Variants in PBX1 observed in about 807,000 individuals in gnomAD.
The protein encoded by PBX1 is pre-B-cell leukemia transcription factor 1.
Under a neutral mutation model 53.4 loss-of-function variants are expected in PBX1, and 6 were observed. The ratio of observed to expected loss-of-function variants is 0.11; its 90% CI spans 0.06 to 0.22. PBX1 has a LOEUF of 0.22. Among genes scored for constraint, PBX1 ranks in the 10% least tolerant of loss-of-function variants. The pLI, the probability that PBX1 is intolerant of heterozygous loss-of-function variation, is 1.00. For synonymous variants in PBX1, 204 were observed against 212.3 expected, an observed-to-expected ratio of 0.96 and a Z score of 0.34; for missense variants, 251 against 551.4, an observed-to-expected ratio of 0.46 and a Z score of 5.46.
At chr1:164,607,979 A>G (rs1571055623) in intron 2 of PBX1, among the ~76,000 whole-genome samples, 1 of 152,322 alleles carries the variant, frequency 6.6e-6, no homozygotes, top group East Asian at 1.9e-4. Flanking sequence ...GAAAGCAGGG[A>G]TAAAAAGTGT....
intron 2 of PBX1, among the ~76,000 whole-genome samples, chr1:164,729,541 G>A: frequency 6.6e-6 from 1 of 152,048 alleles, no homozygotes; most frequent in East Asian, 1.9e-4. Flanking sequence ...GCACTTATTT[G>A]GCATTTACTA....
At chr1:164,599,500 A>C (rs1656016421) in intron 2 of PBX1, among the ~76,000 whole-genome samples, 1 of 152,024 alleles carries the variant, frequency 6.6e-6, no homozygotes, top group Non-Finnish European at 1.5e-5. Flanking sequence ...CTTTCTGGGG[A>C]AGGGTTAATA....
At position 164,650,305 on chromosome 1, in the gene PBX1, T is replaced by G. The variant is rs192966244; in HGVS notation, c.265+86994T>G. Among the ~76,000 whole-genome samples the G allele has an allele frequency of 3.1e-3, 472 of 151,888 alleles. 4 individuals carry two copies. Among genetic ancestry groups the G allele is most frequent in the African/African-American group, 0.011 (445 of 41,364 alleles). On this transcript the variant is annotated intron_variant, in intron 2 of 8. Transcript: ENST00000420696. ...GGGCACTGGCGTGATCTTGGCTTAC[T>G]GCAGCCTCCGCCTCCCAGGTTCAAT...
chr1:164,826,222 C>CGAAA (rs1670452128), intron 8 of PBX1, among the ~76,000 whole-genome samples: 1 of 152,160 alleles, frequency 6.6e-6, no homozygotes, highest in African/African-American at 2.4e-5. Flanking sequence ...CTCCAGAAAA[C>CGAAA]TCTTTCATTA....
chr1:164,603,928 CATTTTTT>C (rs1375853171), intron 2 of PBX1, among the ~76,000 whole-genome samples: 1,342 of 48,702 alleles, frequency 0.028, 23 homozygotes, highest in South Asian at 0.044. Context: ...TATGTCATTT[CATTTTTT>C]TTTTTTTTTT....
intron 2 of PBX1, among the ~76,000 whole-genome samples, chr1:164,880,850 C>T (rs1672628743): frequency 6.6e-6 from 1 of 152,118 alleles, no homozygotes; most frequent in African/African-American, 2.4e-5. Flanking sequence ...ATTAAATTAG[C>T]TATTGTTGCA....
At chr1:164,768,377 G>C (rs1398771767) in intron 2 of PBX1, among the ~76,000 whole-genome samples, 1 of 152,208 alleles carries the variant, frequency 6.6e-6, no homozygotes, top group Non-Finnish European at 1.5e-5. Context: ...CCAGGACACA[G>C]AGGGGCACAG....
chr1:164,876,256 AT>A (rs1672508916), intron 2 of PBX1, among the ~76,000 whole-genome samples: 1 of 152,098 alleles, frequency 6.6e-6, no homozygotes, highest in Non-Finnish European at 1.5e-5. Flanking sequence ...CTTCTATATC[AT>A]TTAAAATGGA....
chr1:164,787,528 C>G (rs528532086), intron 2 of PBX1: 1 of 152,160 alleles, frequency 6.6e-6, no homozygotes, highest in Admixed American at 6.5e-5. Context: ...TGCTCCGGAC[C>G]CACGTCACTC....
At chr1:164,663,109 A>G (rs561275307) in intron 2 of PBX1, among the ~76,000 whole-genome samples, 1 of 152,284 alleles carries the variant, frequency 6.6e-6, no homozygotes, top group African/African-American at 2.4e-5. Context: ...AGTCAAAGGA[A>G]TGACTTAAGC....
chr1:164,611,587 A>G (rs1484438732), intron 2 of PBX1, among the ~76,000 whole-genome samples: 1 of 152,124 alleles, frequency 6.6e-6, no homozygotes, highest in South Asian at 2.1e-4. Context: ...ACTGGGGCTC[A>G]GTTCTCTTTT....
At chr1:164,619,500 T>C (rs1375133345) in intron 2 of PBX1, among the ~76,000 whole-genome samples, 1 of 152,114 alleles carries the variant, frequency 6.6e-6, no homozygotes, top group Non-Finnish European at 1.5e-5. Context: ...GAAAATGACC[T>C]ATACAAGGCA....
chr1:164,699,773 A>G (rs1346630563), intron 2 of PBX1, among the ~76,000 whole-genome samples: 1 of 152,108 alleles, frequency 6.6e-6, no homozygotes, highest in East Asian at 1.9e-4. Context: ...CATCCCCTTT[A>G]TTCTTTCTCA....
chr1:164,654,604 C>T (rs1445344200), intron 2 of PBX1, among the ~76,000 whole-genome samples: 1 of 152,176 alleles, frequency 6.6e-6, no homozygotes, highest in East Asian at 1.9e-4. Context: ...GATATCTGTA[C>T]TTTCTAAAGA....
At chr1:164,739,659 CT>C (rs1396920271) in intron 2 of PBX1, among the ~76,000 whole-genome samples, 1 of 151,870 alleles carries the variant, frequency 6.6e-6, no homozygotes, top group African/African-American at 2.4e-5. Flanking sequence ...TCCCCCTTGC[CT>C]TTTTTCTTCC....
chr1:164,799,446 G>T (rs892917229), intron 3 of PBX1, among the ~76,000 whole-genome samples: 2 of 152,154 alleles, frequency 1.3e-5, no homozygotes, highest in Non-Finnish European at 2.9e-5. Flanking sequence ...AGCCGATATC[G>T]TGCCACTGCA....
intron 2 of PBX1, among the ~76,000 whole-genome samples, chr1:164,790,447 G>C (rs1668440406): frequency 6.6e-6 from 1 of 152,148 alleles, no homozygotes; most frequent in Admixed American, 6.5e-5. Context: ...GGTTTGAAGA[G>C]AGAAGATCAT....
At chr1:164,596,059 A>G (rs1395661514) in intron 2 of PBX1, among the ~76,000 whole-genome samples, 11 of 150,832 alleles carry the variant, frequency 7.3e-5, no homozygotes, top group African/African-American at 2.7e-4. Flanking sequence ...GAAAAATTGG[A>G]TATGTGTTTT....
At chr1:164,715,333 C>T (rs1664024621) in intron 2 of PBX1, among the ~76,000 whole-genome samples, 1 of 152,132 alleles carries the variant, frequency 6.6e-6, no homozygotes, top group African/African-American at 2.4e-5. Context: ...CTGCAGAGGT[C>T]TGATTATAAT....
Sources: gnomAD v4.1 joint callset for allele counts (sites outside exome capture counted in the v4.1 genomes callset) on GRCh38, gnomAD v4.1.1 for gene constraint, MANE v1.5 for transcripts, NCBI Gene and HGNC (gene_info 2026-07-23, HGNC 2026-07-21) for gene names.